MAN1C1: variants seen among roughly 807,000 people sequenced by gnomAD.
MAN1C1 encodes the protein mannosidase alpha class 1C member 1.
In MAN1C1, 49 loss-of-function variants were observed where a neutral mutation model predicts 71.5. The observed-to-expected ratio is 0.69, with a 90% confidence interval of 0.54 to 0.87. The LOEUF is 0.87. Ranked by LOEUF, MAN1C1 falls within the 40% of genes least tolerant of loss-of-function variation. The probability of loss-of-function intolerance (pLI) is 0.00; values close to 1 mark genes in which losing one functional copy is unlikely to be tolerated. For synonymous variants in MAN1C1, 352 were observed against 343.7 expected (o/e 1.02, Z -0.27); for missense variants, 743 against 835.0 (o/e 0.89, Z 1.36).
intron 2 of MAN1C1, among the ~76,000 whole-genome samples, chr1:25,718,451 C>T (rs146635061): frequency 6.6e-6 from 1 of 152,328 alleles, no homozygotes; most frequent in East Asian, 1.9e-4. Flanking sequence ...TTTGTTGACA[C>T]ATAATTTACA....
At chr1:25,690,927 C>T (rs1229274643) in intron 2 of MAN1C1, among the ~76,000 whole-genome samples, 1 of 152,192 alleles carries the variant, frequency 6.6e-6, no homozygotes, top group African/African-American at 2.4e-5. Flanking sequence ...CGTAAAGTGG[C>T]TCAGTACCCT....
At chr1:25,677,846 CTT>C (rs772618301) in intron 1 of MAN1C1, among the ~76,000 whole-genome samples, 1,213 of 98,212 alleles carry the variant, frequency 0.012, 31 homozygotes, top group African/African-American at 0.058. Flanking sequence ...TAAAGACCTC[CTT>C]TTTTTTTTTT....
At chr1:25,643,088 G>A (rs146629283) in intron 1 of MAN1C1, among the ~76,000 whole-genome samples, 2 of 152,084 alleles carry the variant, frequency 1.3e-5, no homozygotes, top group African/African-American at 4.8e-5. Context: ...TTTCTGCATG[G>A]GTCCATTTCT....
chr1:25,763,692 G>A (rs2047390691), intron 6 of MAN1C1, 182 bp from the exon 7 acceptor site: 1 of 600,060 alleles, frequency 1.7e-6, no homozygotes, highest in Non-Finnish European at 3.0e-6. Flanking sequence ...CGTGGCACCA[G>A]GGCAAGGCCA....
At chr1:25,621,902 T>G (rs992607739) in intron 1 of MAN1C1, among the ~76,000 whole-genome samples, 1 of 152,130 alleles carries the variant, frequency 6.6e-6, no homozygotes, top group African/African-American at 2.4e-5. Context: ...GTGCTGAGAT[T>G]ACAGGCACGA....
At chr1:25,739,451 G>A (rs879617063) in intron 2 of MAN1C1, among the ~76,000 whole-genome samples, 2 of 152,202 alleles carry the variant, frequency 1.3e-5, no homozygotes, top group African/African-American at 4.8e-5. Context: ...GATATTGTGG[G>A]AATAGGCTAT....
At chr1:25,758,859 A>G (rs1464952497) in intron 6 of MAN1C1, 150 bp downstream of exon 6, 7 of 706,722 alleles carry the variant, frequency 9.9e-6, no homozygotes, top group South Asian at 8.0e-5. Context: ...AAGGTAGCAA[A>G]TAGTAGCTAC....
In MAN1C1 at chr1:25,617,396, C is replaced by A. The variant is rs1032094645; in HGVS notation, c.-402C>A. ...CGGAGGGCGGCTTGGTGCGGGCCTG[C>A]GGGCGCCCCTCGGCGCGGACAGCCG... On this transcript the variant is annotated 5_prime_UTR_variant, in exon 1 of 12. Transcript: ENST00000374332. This position sits in a 1 kb window ranked among gnomAD's most constrained non-coding sequence, Gnocchi z 5.1. 2 of 151,066 alleles carry A rather than the reference C, an allele frequency of 1.3e-5. No homozygotes were observed. The highest frequency in any genetic ancestry group is 3.0e-5 in the Non-Finnish European group (2 of 67,796). 9.4% of individuals were successfully genotyped at this position (151,066 alleles called of 1,614,324 possible).
At chr1:25,748,940 C>T (rs1037815867) in intron 3 of MAN1C1, among the ~76,000 whole-genome samples, 1 of 152,226 alleles carries the variant, frequency 6.6e-6, no homozygotes, top group Non-Finnish European at 1.5e-5. Context: ...GTCTAAGCTC[C>T]AGCCAGCAGC....
At chr1:25,723,894 C>T (rs2046799081) in intron 2 of MAN1C1, among the ~76,000 whole-genome samples, 1 of 152,214 alleles carries the variant, frequency 6.6e-6, no homozygotes, top group Non-Finnish European at 1.5e-5. Context: ...AAAGGCCAGC[C>T]TGGGCTGCGG....
chr1:25,707,146 C>T (rs753139137), intron 2 of MAN1C1, among the ~76,000 whole-genome samples: 20 of 152,220 alleles, frequency 1.3e-4, no homozygotes, highest in African/African-American at 3.6e-4. Flanking sequence ...CAAATAAGTA[C>T]ACTTGGTTGC....
chr1:25,767,397 A>C (rs866321076), intron 7 of MAN1C1, among the ~76,000 whole-genome samples: 1 of 26,074 alleles, frequency 3.8e-5, no homozygotes, highest in Non-Finnish European at 9.5e-5. Flanking sequence ...ACACACACAC[A>C]CCCCTACCAC....
At chr1:25,676,160 A>T (rs2046064905) in intron 1 of MAN1C1, among the ~76,000 whole-genome samples, 1 of 152,204 alleles carries the variant, frequency 6.6e-6, no homozygotes, top group Non-Finnish European at 1.5e-5. Context: ...TGCAGACAGG[A>T]TGCGATTCCT....
chr1:25,617,825 G>A lies in MAN1C1; in HGVS notation c.28G>A (p.Val10Ile), dbSNP rs2124743713. The A allele has an allele frequency of 6.2e-7, 1 of 1,604,228 alleles. No individual in the cohort carries two copies. Among genetic ancestry groups the A allele is most frequent in the Non-Finnish European group, 8.5e-7 (1 of 1,176,482 alleles). ...GCTCATGAGGAAAGTGCCCGGCTTC[G>A]TCCCGGCCTCCCCGTGGGGGCTGCG... MLMRKVPGF[V>I]PASPWGLRLP... The change falls in exon 1 of 12, where the codon GTC becomes ATC. Residue 10 changes from valine to isoleucine, a missense_variant. Physicochemically the swap from Val to Ile is conservative, Grantham distance 29. Transcript: ENST00000374332. The surrounding 1 kb of genome is among the most constrained non-coding windows in gnomAD (Gnocchi z 5.1).
At chr1:25,665,969 G>A (rs1264472075) in intron 1 of MAN1C1, among the ~76,000 whole-genome samples, 3 of 147,052 alleles carry the variant, frequency 2.0e-5, no homozygotes, top group African/African-American at 5.1e-5. Context: ...AGTGGCTATC[G>A]CTTAAAGATA....
intron 1 of MAN1C1, among the ~76,000 whole-genome samples, chr1:25,650,777 CT>C (rs1418458536): frequency 2.0e-5 from 3 of 152,148 alleles, no homozygotes; most frequent in African/African-American, 7.2e-5. Context: ...TCACTCTTGG[CT>C]TGTGCAAGTA....
chr1:25,649,244 A>G (rs1035243695), intron 1 of MAN1C1, among the ~76,000 whole-genome samples: 3 of 152,232 alleles, frequency 2.0e-5, no homozygotes, highest in Non-Finnish European at 4.4e-5. Context: ...TGCAGGCTGA[A>G]TAGGGCTTCT....
intron 2 of MAN1C1, among the ~76,000 whole-genome samples, chr1:25,713,323 T>C (rs1396818511): frequency 6.6e-6 from 1 of 152,236 alleles, no homozygotes; most frequent in Non-Finnish European, 1.5e-5. Context: ...TCAGGTGAGA[T>C]GGTGCCATAC....
chr1:25,691,098 C>T (rs928287061), intron 2 of MAN1C1, among the ~76,000 whole-genome samples: 9 of 152,152 alleles, frequency 5.9e-5, no homozygotes, highest in African/African-American at 2.2e-4. Context: ...GGGTGGATCA[C>T]TTGAGGTCAG....
Sources: allele counts gnomAD v4.1 joint callset (sites outside exome capture counted in the v4.1 genomes callset), GRCh38; gene constraint gnomAD v4.1.1; non-coding constraint Gnocchi (gnomAD v3.1); transcripts MANE v1.5; gene names NCBI Gene and HGNC (gene_info 2026-07-23, HGNC 2026-07-21).